Variants in DCBLD1 observed in about 807,000 individuals in gnomAD.
The protein encoded by DCBLD1 is discoidin, CUB and LCCL domain containing 1, also known as discoidin, CUB and LCCL domain-containing protein 1.
A neutral mutation model predicts 71.5 loss-of-function variants in DCBLD1; 57 were observed. The observed-to-expected ratio is 0.80, with a 90% confidence interval of 0.64 to 0.99. The LOEUF is 0.99. Among genes scored for constraint, DCBLD1 ranks in the 50% least tolerant of loss-of-function variants. DCBLD1 has a pLI of 0.00. For synonymous variants in DCBLD1, 380 were observed against 363.8 expected (o/e 1.04, Z -0.51); for missense variants, 891 against 923.5 (o/e 0.96, Z 0.46).
chr6:117,535,193 A>G (rs1778844343), intron 6 of DCBLD1, among the ~76,000 whole-genome samples: 1 of 152,184 alleles, frequency 6.6e-6, no homozygotes, highest in South Asian at 2.1e-4. Context: ...TCCCTAAAGT[A>G]AATATCCAGG....
At position 117,549,570 on chromosome 6, in the gene DCBLD1, T is replaced by G; in HGVS notation, c.*1131T>G. The G allele has an allele frequency of 8.1e-6, 8 of 985,402 alleles. No homozygotes were observed. The highest frequency in any genetic ancestry group is 9.4e-5 in the South Asian group (2 of 21,286). 61.0% of individuals were successfully genotyped at this position (985,402 alleles called of 1,614,324 possible). ...TTGCCAAAGAGGGAAGTGTGTGTGTTTTTTTAATAGAAAATATGGACCAAA... is the reference window on the plus strand; with the variant it reads ...TTGCCAAAGAGGGAAGTGTGTGTGTGTTTTTAATAGAAAATATGGACCAAA... On this transcript the variant is annotated 3_prime_UTR_variant, in exon 15 of 15. Coordinates refer to ENST00000338728, the MANE Select transcript of DCBLD1 (RefSeq NM_001366458.2).
intron 5 of DCBLD1, among the ~76,000 whole-genome samples, chr6:117,525,786 T>C (rs1187342305): frequency 6.6e-6 from 1 of 152,216 alleles, no homozygotes; most frequent in Non-Finnish European, 1.5e-5. Context: ...ACATGAATAT[T>C]CGTATCATAG....
intron 2 of DCBLD1, among the ~76,000 whole-genome samples, chr6:117,516,489 C>A (rs1242256365): frequency 6.6e-6 from 1 of 152,068 alleles, no homozygotes; most frequent in Non-Finnish European, 1.5e-5. Context: ...AGAAATTTGG[C>A]ATGTGAGGGT....
At chr6:117,514,591 C>CAAA (rs59209418) in intron 2 of DCBLD1, among the ~76,000 whole-genome samples, 1 of 109,090 alleles carries the variant, frequency 9.2e-6, no homozygotes. Flanking sequence ...GACCCTGTCT[C>CAAA]AAAAAAAAAA....
At chr6:117,490,093 GCACACACACACA>G (rs34912807) in intron 1 of DCBLD1, among the ~76,000 whole-genome samples, 4,616 of 147,314 alleles carry the variant, frequency 0.031, 83 homozygotes, top group Non-Finnish European at 0.038. Flanking sequence ...TTATGTAAAT[GCACACACACACA>G]CACACACACA....
chr6:117,562,876 T>C (rs1055761637), intron 14 of DCBLD1: 3 of 227,448 alleles, frequency 1.3e-5, no homozygotes, highest in Middle Eastern at 1.3e-3. Flanking sequence ...TCACTTACTC[T>C]CTGTATTTTA....
intron 1 of DCBLD1, among the ~76,000 whole-genome samples, chr6:117,493,445 T>C (rs1298203026): frequency 6.6e-6 from 1 of 152,170 alleles, no homozygotes; most frequent in Non-Finnish European, 1.5e-5. Context: ...CTTAATAGTC[T>C]AGTAAAGAGT....
intron 1 of DCBLD1, among the ~76,000 whole-genome samples, chr6:117,493,004 T>C (rs2018055): frequency 0.25 from 38,406 of 152,074 alleles, 4,938 homozygotes; most frequent in South Asian, 0.39. Flanking sequence ...GTGGAACTTA[T>C]TGTTGCCTGT....
chr6:117,486,025 A>G (rs749918564), intron 1 of DCBLD1, among the ~76,000 whole-genome samples: 24 of 152,336 alleles, frequency 1.6e-4, no homozygotes, highest in Non-Finnish European at 8.8e-5. Context: ...AACAAATCAA[A>G]TGGTATGTTT....
Position 117,548,457 on chromosome 6 carries a change from C to T in DCBLD1, c.*18C>T, listed in dbSNP as rs972537859. On this transcript the variant is annotated 3_prime_UTR_variant, in exon 15 of 15. Coordinates refer to ENST00000338728, the MANE Select transcript of DCBLD1 (RefSeq NM_001366458.2). ...TTTTGTGAACACAATGTGAAAGAAG[C>T]CTGCTGTGGTACTGAGCGTCGGGCT... 6.5e-7 allele frequency: 1 copy of T among 1,550,136 alleles called. No homozygotes were observed. Among genetic ancestry groups the T allele is most frequent in the Non-Finnish European group, 8.7e-7 (1 of 1,146,958 alleles).
chr6:117,500,862 C>A lies in DCBLD1; in HGVS notation c.113-2905C>A, dbSNP rs186444385. 1.8e-3 allele frequency among the ~76,000 whole-genome samples: 275 copies of A among 151,368 alleles called. 2 individuals carry two copies. Among genetic ancestry groups the A allele is most frequent in the African/African-American group, 6.4e-3 (264 of 41,250 alleles). The stretch of plus-strand genomic sequence containing the variant: ...TGGGCGACAGAGTGAGACTTCGTCT[C>A]AAAAAAAACAGTGACACCCTAAGAT... On this transcript the variant is annotated intron_variant, in intron 1 of 14. Coordinates refer to ENST00000338728, the MANE Select transcript of DCBLD1 (RefSeq NM_001366458.2).
At chr6:117,560,699 A>C (rs1779567895) in intron 14 of DCBLD1, 1 of 198,676 alleles carries the variant, frequency 5.0e-6, no homozygotes, top group African/African-American at 2.3e-5. Context: ...CATCATATTC[A>C]TAACAGAGAT....
chr6:117,524,866 T>C (rs911097475), intron 4 of DCBLD1, among the ~76,000 whole-genome samples: 3 of 152,238 alleles, frequency 2.0e-5, no homozygotes, highest in Non-Finnish European at 2.9e-5. Flanking sequence ...ATTATATTTC[T>C]ATCAGACAGT....
At chr6:117,567,905 A>T (rs1779730168) in intron 14 of DCBLD1, among the ~76,000 whole-genome samples, 1 of 151,830 alleles carries the variant, frequency 6.6e-6, no homozygotes. Flanking sequence ...AAAGTTACAG[A>T]TCATGCCAGG....
intron 2 of DCBLD1, among the ~76,000 whole-genome samples, chr6:117,516,235 C>T (rs2114474702): frequency 6.6e-6 from 1 of 150,996 alleles, no homozygotes; most frequent in Non-Finnish European, 1.5e-5. Flanking sequence ...GTGGTGGGTG[C>T]CTGTAGTCCC....
chr6:117,535,904 C>T (rs1393958849), intron 6 of DCBLD1, among the ~76,000 whole-genome samples: 1 of 152,130 alleles, frequency 6.6e-6, no homozygotes. Flanking sequence ...TTAGGCAAGT[C>T]CCAGGACCCA....
At chr6:117,497,269 G>A (rs1404560355) in intron 1 of DCBLD1, among the ~76,000 whole-genome samples, 1 of 152,182 alleles carries the variant, frequency 6.6e-6, no homozygotes, top group Non-Finnish European at 1.5e-5. Context: ...GTGCAATTCA[G>A]TTACAAGTTT....
chr6:117,540,944 A>T lies in DCBLD1; in HGVS notation c.1276A>T (p.Thr426Ser). 1 of 1,613,950 alleles carries T rather than the reference A, an allele frequency of 6.2e-7. No individual in the cohort carries two copies. The highest frequency in any genetic ancestry group is 8.5e-7 in the Non-Finnish European group (1 of 1,180,046). The change falls in exon 11 of 15, where the codon ACA (threonine) becomes TCA (serine). Residue 426 changes from threonine to serine, a missense_variant. By Grantham distance (58) the Thr-to-Ser change is moderately conservative (BLOSUM62 1). Transcript: ENST00000338728. ...TAATGATTCATTGGTGTGGCGCAAG[A>T]CAAGTCAAAGCACCAGTGTTTCAAC... ...QGNDSLVWRK[T>S]SQSTSVSTKK...
chr6:117,484,268 C>T (rs1035946179), intron 1 of DCBLD1, among the ~76,000 whole-genome samples: 3 of 152,198 alleles, frequency 2.0e-5, no homozygotes, highest in African/African-American at 7.2e-5. Flanking sequence ...GTATGGTCAT[C>T]CAGGCTGTTA....
Sources: gnomAD v4.1 joint callset for allele counts (sites outside exome capture counted in the v4.1 genomes callset) on GRCh38, gnomAD v4.1.1 for gene constraint, MANE v1.5 for transcripts, NCBI Gene and HGNC (gene_info 2026-07-23, HGNC 2026-07-21) for gene names.